TSPAN14: variants seen among roughly 807,000 people sequenced by gnomAD.
TSPAN14 encodes the protein tetraspanin-14.
Under a neutral mutation model 36.6 loss-of-function variants are expected in TSPAN14, and 16 were observed. That is an observed-to-expected ratio of 0.44 (90% CI 0.30 to 0.66). The LOEUF (loss-of-function observed/expected upper bound fraction) is 0.66, where lower values mean the gene tolerates loss of function less well. Among genes scored for constraint, TSPAN14 ranks in the 30% least tolerant of loss-of-function variants. The pLI is 0.12. For synonymous variants in TSPAN14, 139 were observed against 143.8 expected (o/e 0.97, Z 0.24); for missense variants, 231 against 355.1 (o/e 0.65, Z 2.81).
Position 80,509,209 on chromosome 10 carries a change from G to T in TSPAN14, c.280-92G>T. 7.1e-7 allele frequency: 1 copy of T among 1,409,464 alleles called. No homozygotes were observed. The allele number at this position is 1,409,464 out of a possible 1,614,324, so 87.3% of individuals were successfully genotyped here. A position where few individuals can be genotyped will look rare whatever the true frequency, so the allele number is the denominator to read the frequency against. On this transcript the variant is annotated intron_variant, in intron 4 of 8. Transcript: ENST00000429989. The surrounding 1 kb of genome is among the most constrained non-coding windows in gnomAD (Gnocchi z 4.7). ...TCAGGTGCAGAGCCCACGCTCTGCT[G>T]AGGATGGTGGTTCTGGGTCAGGTGG...
At chr10:80,500,021 G>C (rs1461648003) in intron 2 of TSPAN14, among the ~76,000 whole-genome samples, 1 of 152,178 alleles carries the variant, frequency 6.6e-6, no homozygotes, top group African/African-American at 2.4e-5. Context: ...TGGCCCCATG[G>C]ACCATCTGCT....
intron 1 of TSPAN14, among the ~76,000 whole-genome samples, chr10:80,469,873 T>C (rs964604371): frequency 3.3e-5 from 5 of 151,986 alleles, no homozygotes; most frequent in African/African-American, 4.8e-5. Flanking sequence ...CAGATTGCCG[T>C]CCTTTGAGGT....
At chr10:80,492,883 A>AT (rs916330093) in intron 2 of TSPAN14, among the ~76,000 whole-genome samples, 1 of 152,108 alleles carries the variant, frequency 6.6e-6, no homozygotes, top group African/African-American at 2.4e-5. Context: ...TACCTAATAG[A>AT]TTTTTTTAAG....
At chr10:80,501,578 G>A (rs1848528329) in intron 2 of TSPAN14, among the ~76,000 whole-genome samples, 1 of 152,204 alleles carries the variant, frequency 6.6e-6, no homozygotes, top group Admixed American at 6.5e-5. Context: ...TGTCCCATGT[G>A]GCCCCACAGG....
At chr10:80,458,986 C>G (rs1845854912) in intron 1 of TSPAN14, among the ~76,000 whole-genome samples, 1 of 149,538 alleles carries the variant, frequency 6.7e-6, no homozygotes, top group African/African-American at 2.5e-5. Context: ...TTTTTTCTTC[C>G]TGGAAAAAAA....
intron 2 of TSPAN14, among the ~76,000 whole-genome samples, chr10:80,500,940 C>T (rs1848477679): frequency 6.6e-6 from 1 of 152,180 alleles, no homozygotes; most frequent in East Asian, 1.9e-4. Flanking sequence ...GGTCGAGGGT[C>T]TTTTTTGAGA....
chr10:80,503,515 G>T (rs774368457), intron 2 of TSPAN14, among the ~76,000 whole-genome samples: 30 of 152,090 alleles, frequency 2.0e-4, no homozygotes, highest in Non-Finnish European at 4.1e-4. Context: ...AAAATGGAGG[G>T]ATTGGTTCTT....
chr10:80,508,686 A>G (rs774295313), intron 4 of TSPAN14, among the ~76,000 whole-genome samples: 1 of 152,166 alleles, frequency 6.6e-6, no homozygotes, highest in Non-Finnish European at 1.5e-5. Context: ...TAACATTGGC[A>G]CTTCCAGAAT....
chr10:80,481,418 CAAG>C (rs762706362), intron 1 of TSPAN14, among the ~76,000 whole-genome samples: 4 of 152,152 alleles, frequency 2.6e-5, no homozygotes, highest in African/African-American at 4.8e-5. Context: ...GCAAACAAAA[CAAG>C]AAGTTGTACG....
chr10:80,510,814 C>T (rs1177697477), intron 5 of TSPAN14, among the ~76,000 whole-genome samples: 2 of 152,050 alleles, frequency 1.3e-5, no homozygotes, highest in Non-Finnish European at 2.9e-5. Context: ...GCGGAACTGG[C>T]AGTGAGCCGA....
chr10:80,467,215 G>C (rs533155510), intron 1 of TSPAN14, among the ~76,000 whole-genome samples: 12 of 152,194 alleles, frequency 7.9e-5, no homozygotes, highest in Admixed American at 7.2e-4. Context: ...ATGTAATGAG[G>C]CCTTTCCAAC....
intron 1 of TSPAN14, among the ~76,000 whole-genome samples, chr10:80,455,549 G>A (rs575296269): frequency 2.0e-5 from 3 of 152,240 alleles, no homozygotes; most frequent in South Asian, 4.1e-4. Flanking sequence ...TGACCTTGAA[G>A]TCCAGAAGCA....
At chr10:80,513,044 T>C (rs1042697756) in intron 6 of TSPAN14, among the ~76,000 whole-genome samples, 1 of 152,124 alleles carries the variant, frequency 6.6e-6, no homozygotes, top group Admixed American at 6.6e-5. Context: ...GACCACAGGC[T>C]TGAGCACCAC....
intron 1 of TSPAN14, among the ~76,000 whole-genome samples, chr10:80,471,194 C>T (rs1846533826): frequency 1.3e-5 from 2 of 152,106 alleles, no homozygotes; most frequent in Non-Finnish European, 2.9e-5. Flanking sequence ...TCCACGGCCT[C>T]ATTCTCGGTG....
intron 2 of TSPAN14, among the ~76,000 whole-genome samples, chr10:80,494,179 C>T (rs531193344): frequency 1.3e-5 from 2 of 152,322 alleles, no homozygotes; most frequent in East Asian, 3.9e-4. Flanking sequence ...TTCTCAGTGA[C>T]TTGGGTCTGT....
intron 2 of TSPAN14, among the ~76,000 whole-genome samples, chr10:80,496,614 A>T (rs1465619229): frequency 2.0e-5 from 3 of 152,090 alleles, no homozygotes; most frequent in Non-Finnish European, 4.4e-5. Context: ...TTTCCCTAGG[A>T]CATTGTTTAT....
chr10:80,479,026 A>G (rs979246012), intron 1 of TSPAN14, among the ~76,000 whole-genome samples: 3 of 151,950 alleles, frequency 2.0e-5, no homozygotes, highest in Non-Finnish European at 2.9e-5. Context: ...TTTGATTTGC[A>G]TTTCTCTGAT....
intron 1 of TSPAN14, among the ~76,000 whole-genome samples, chr10:80,454,966 G>GT (rs1177959284): frequency 3.3e-5 from 5 of 152,244 alleles, no homozygotes; most frequent in African/African-American, 4.8e-5. Context: ...GACGGCCGGA[G>GT]TTTGAGTAGG....
In TSPAN14 at chr10:80,516,435, G is replaced by A. The variant is rs1589309319; in HGVS notation, c.741+112G>A. On this transcript the variant is annotated intron_variant, in intron 8 of 8. Coordinates refer to ENST00000429989, the Ensembl canonical transcript of TSPAN14. The stretch of plus-strand genomic sequence containing the variant: ...GGGTATGGTATTAAGGAAGCTTGCA[G>A]AAGAAAAAAAGGGATTCAACTGGAT... The A allele has an allele frequency of 3.9e-5, 59 of 1,493,768 alleles. No individual in the cohort carries two copies. The Admixed American group carries it at 4.4e-4, about 11-fold the overall frequency. 92.5% of individuals were successfully genotyped at this position (1,493,768 alleles called of 1,614,324 possible). A position where few individuals can be genotyped will look rare whatever the true frequency, so the allele number is the denominator to read the frequency against.
Sources: gnomAD v4.1 joint callset for allele counts (sites outside exome capture counted in the v4.1 genomes callset) on GRCh38, gnomAD v4.1.1 for gene constraint, Gnocchi (gnomAD v3.1) non-coding constraint, MANE v1.5 for transcripts, NCBI Gene and HGNC (gene_info 2026-07-23, HGNC 2026-07-21) for gene names.